EVI5: variants seen among roughly 807,000 people sequenced by gnomAD.
EVI5 encodes ecotropic viral integration site 5.
Under a neutral mutation model 112.0 loss-of-function variants are expected in EVI5, and 73 were observed. The observed-to-expected ratio is 0.65, with a 90% CI of 0.54 to 0.79. The LOEUF (loss-of-function observed/expected upper bound fraction) is 0.79. Ranked by LOEUF, EVI5 falls within the 30% of genes least tolerant of loss-of-function variation. The pLI, the probability that EVI5 is intolerant of heterozygous loss-of-function variation, is 0.00. For synonymous variants in EVI5, 305 were observed against 319.9 expected, an observed-to-expected ratio of 0.95 and a Z score of 0.50; for missense variants, 900 against 968.8, an observed-to-expected ratio of 0.93 and a Z score of 0.94.
chr1:92,518,885 T>C (rs1247246543), intron 19 of EVI5, among the ~76,000 whole-genome samples: 1 of 152,078 alleles, frequency 6.6e-6, no homozygotes, highest in East Asian at 1.9e-4. Context: ...GGCATCAGAC[T>C]CTCCAACTGC....
intron 1 of EVI5, among the ~76,000 whole-genome samples, chr1:92,757,605 A>C (rs1431103638): frequency 6.6e-6 from 1 of 151,690 alleles, no homozygotes; most frequent in Admixed American, 6.6e-5. Context: ...ATTTTTAAAA[A>C]GAAAAAAAAA....
At chr1:92,729,737 ATTTG>A (rs1676152277) in intron 2 of EVI5, among the ~76,000 whole-genome samples, 1 of 152,136 alleles carries the variant, frequency 6.6e-6, no homozygotes, top group Non-Finnish European at 1.5e-5. Context: ...TGTATTTTTT[ATTTG>A]TATTATTTTT....
chr1:92,785,074 C>T lies in EVI5; in HGVS notation c.-320G>A. 1.0e-6 allele frequency: 1 copy of T among 985,500 alleles called. No individual in the cohort carries two copies. The highest frequency in any genetic ancestry group is 1.2e-6 in the Non-Finnish European group (1 of 830,026). The allele number at this position is 985,500 out of a possible 1,614,324, so 61.0% of individuals were successfully genotyped here. ...CCCTTGCCAGCTGGCCAGCTGGTTC[C>T]TCCGGGGTCCGGCCCGGCCGCGTCA... On this transcript the variant is annotated 5_prime_UTR_variant, in exon 1 of 20. Coordinates refer to ENST00000684568, the MANE Select transcript of EVI5 (RefSeq NM_001350197.2).
chr1:92,675,095 C>T (rs930395385), intron 10 of EVI5, among the ~76,000 whole-genome samples: 7 of 152,180 alleles, frequency 4.6e-5, no homozygotes, highest in African/African-American at 1.4e-4. Flanking sequence ...GTAATCCCAG[C>T]GCTTTGGAAG....
chr1:92,710,085 G>GAAAAAAAA (rs1672609156), intron 2 of EVI5, among the ~76,000 whole-genome samples: 2 of 3,322 alleles, frequency 6.0e-4, no homozygotes, highest in Non-Finnish European at 5.9e-4. Flanking sequence ...TTATTGCAAA[G>GAAAAAAAA]CAAAAAAAAA....
chr1:92,513,201 T>G lies in EVI5; in HGVS notation c.*455A>C, dbSNP rs200554570. 1.3e-5 allele frequency: 2 copies of G among 151,118 alleles called. No homozygotes were observed. The highest frequency in any genetic ancestry group is 3.0e-5 in the Non-Finnish European group (2 of 67,772). The allele number at this position is 151,118 out of a possible 1,614,324, so 9.4% of individuals were successfully genotyped here. A position where few individuals can be genotyped will look rare whatever the true frequency, so the allele number is the denominator to read the frequency against. ...ACACAAGGTAAATCAGATGTATGTCTTGGTCAAATGTCTGTAGACAGCCAC... is the reference window on the plus strand; with the variant it reads ...ACACAAGGTAAATCAGATGTATGTCGTGGTCAAATGTCTGTAGACAGCCAC... On this transcript the variant is annotated 3_prime_UTR_variant, in exon 20 of 20. Coordinates refer to ENST00000684568, the MANE Select transcript of EVI5 (RefSeq NM_001350197.2).
intron 18 of EVI5, among the ~76,000 whole-genome samples, chr1:92,575,084 C>T (rs545451023): frequency 6.6e-6 from 1 of 152,262 alleles, no homozygotes; most frequent in African/African-American, 2.4e-5. Flanking sequence ...ATAAAAGCAT[C>T]GAGTCCATTA....
intron 16 of EVI5, among the ~76,000 whole-genome samples, chr1:92,611,992 C>T (rs759055719): frequency 7.9e-5 from 12 of 151,762 alleles, no homozygotes; most frequent in Non-Finnish European, 1.8e-4. Context: ...TGAACAAATC[C>T]AGATAAGCTC....
intron 16 of EVI5, among the ~76,000 whole-genome samples, chr1:92,613,198 CCTAGTACTACAT>C (rs1652278312): frequency 6.6e-6 from 1 of 152,124 alleles, no homozygotes; most frequent in Non-Finnish European, 1.5e-5. Context: ...GCGTTTTGTG[CCTAGTACTACAT>C]CTGGGGTGGG....
At chr1:92,612,896 AGT>A (rs1253878308) in intron 16 of EVI5, among the ~76,000 whole-genome samples, 1 of 152,172 alleles carries the variant, frequency 6.6e-6, no homozygotes, top group African/African-American at 2.4e-5. Flanking sequence ...CTGGCTAGAC[AGT>A]GTGAAGGCGC....
At chr1:92,538,245 G>A (rs1664212665) in intron 19 of EVI5, among the ~76,000 whole-genome samples, 1 of 152,136 alleles carries the variant, frequency 6.6e-6, no homozygotes, top group Non-Finnish European at 1.5e-5. Context: ...TAAGGTCAAC[G>A]CTGATGAGGC....
intron 19 of EVI5, among the ~76,000 whole-genome samples, chr1:92,532,996 G>T (rs1470169764): frequency 1.1e-5 from 1 of 88,102 alleles, no homozygotes; most frequent in Non-Finnish European, 2.1e-5. Context: ...ATGAATCTAG[G>T]AACTTTTTTT....
chr1:92,586,851 AT>A (rs1672886958), intron 18 of EVI5, among the ~76,000 whole-genome samples: 2 of 151,924 alleles, frequency 1.3e-5, no homozygotes, highest in Non-Finnish European at 2.9e-5. Context: ...AGAATCAGCC[AT>A]TTCTGTGAGA....
intron 10 of EVI5, among the ~76,000 whole-genome samples, chr1:92,673,627 C>T (rs1011510179): frequency 2.0e-5 from 3 of 152,026 alleles, no homozygotes; most frequent in South Asian, 2.1e-4. Context: ...CCACCGCGCC[C>T]GGCCAAACTA....
chr1:92,595,701 T>A (rs1050505761), intron 18 of EVI5, among the ~76,000 whole-genome samples: 1 of 152,174 alleles, frequency 6.6e-6, no homozygotes, highest in Non-Finnish European at 1.5e-5. Context: ...GGTATATATA[T>A]GTCGGGGTAA....
chr1:92,682,328 A>C (rs1667729179), intron 9 of EVI5, among the ~76,000 whole-genome samples: 1 of 151,912 alleles, frequency 6.6e-6, no homozygotes, highest in African/African-American at 2.4e-5. Context: ...CATGTCCTTT[A>C]TCTGGCTTTG....
chr1:92,706,054 A>G (rs1460631532), intron 2 of EVI5, among the ~76,000 whole-genome samples: 1 of 152,192 alleles, frequency 6.6e-6, no homozygotes, highest in Non-Finnish European at 1.5e-5. Context: ...TAAACTGAAC[A>G]AACAAATTCT....
chr1:92,700,885 T>C (rs1210390382), intron 5 of EVI5: 2 of 152,194 alleles, frequency 1.3e-5, no homozygotes, highest in Non-Finnish European at 2.9e-5. Flanking sequence ...TAGCAATAAT[T>C]GCGCCTCGGA....
chr1:92,736,623 G>A lies in EVI5; in HGVS notation c.-77C>T, dbSNP rs1011800879. 11 of 1,609,586 alleles carry A rather than the reference G, an allele frequency of 6.8e-6. No individual in the cohort carries two copies. Among genetic ancestry groups the A allele is most frequent in the East Asian group, 2.2e-5 (1 of 44,860 alleles). On this transcript the variant is annotated 5_prime_UTR_variant, in exon 2 of 20. Transcript: ENST00000684568. ...CAGCTTTTCTGCAACTTTGTCTGTCGCCACCTAAGGACAAAAATAAAAGTT... is the reference window on the plus strand; with the variant it reads ...CAGCTTTTCTGCAACTTTGTCTGTCACCACCTAAGGACAAAAATAAAAGTT...
Sources: allele counts gnomAD v4.1 joint callset (sites outside exome capture counted in the v4.1 genomes callset), GRCh38; gene constraint gnomAD v4.1.1; transcripts MANE v1.5; gene names NCBI Gene and HGNC (gene_info 2026-07-23, HGNC 2026-07-21).